Variants in LINGO2 observed in about 807,000 individuals in gnomAD.
LINGO2 encodes the protein leucine rich repeat and Ig domain containing 2, also known as leucine-rich repeat and immunoglobulin-like domain-containing nogo receptor-interacting protein 2.
In LINGO2, 14 loss-of-function variants were observed where a neutral mutation model predicts 30.6. The observed-to-expected ratio is 0.46, with a 90% confidence interval of 0.30 to 0.72. LINGO2 has a LOEUF of 0.72. Ranked by LOEUF, LINGO2 falls within the 30% of genes least tolerant of loss-of-function variation. The pLI, the probability that LINGO2 is intolerant of heterozygous loss-of-function variation, is 0.07. For missense variants in LINGO2, 729 were observed against 751.7 expected, an observed-to-expected ratio of 0.97 and a Z score of 0.35; for synonymous variants, 317 against 288.5, an observed-to-expected ratio of 1.10 and a Z score of -1.00.
intron 5 of LINGO2, among the ~76,000 whole-genome samples, chr9:27,956,874 C>T (rs1238482841): frequency 1.3e-5 from 2 of 152,040 alleles, no homozygotes; most frequent in East Asian, 1.9e-4. Context: ...GGGAGGATTG[C>T]TTGAAGCCAT....
At chr9:28,434,317 A>G (rs1164461901) in intron 2 of LINGO2, among the ~76,000 whole-genome samples, 1 of 140,506 alleles carries the variant, frequency 7.1e-6, no homozygotes. Context: ...TACCCTAAAA[A>G]TTACTAAAAT....
In LINGO2 at chr9:28,348,387, G is replaced by T. The variant is rs768087504; in HGVS notation, c.-246+24449C>A. 2.6e-4 allele frequency among the ~76,000 whole-genome samples: 39 copies of T among 152,016 alleles called. 1 individual carries two copies. Among genetic ancestry groups the T allele is most frequent in the East Asian group, 3.9e-4 (2 of 5,156 alleles). ...TTTCTGAGTCAAAGAAAGGGGTGAC[G>T]GACTGCACCTGGAAAATCGGGTCAC... On this transcript the variant is annotated intron_variant, in intron 3 of 5. Transcript: ENST00000379992.
chr9:27,945,257 A>G (rs921168536), downstream of LINGO2, among the ~76,000 whole-genome samples: 1 of 152,148 alleles, frequency 6.6e-6, no homozygotes, highest in African/African-American at 2.4e-5. Flanking sequence ...ATATAAAAAT[A>G]CATGTGTTTG....
chr9:28,118,871 A>C (rs889937369), intron 4 of LINGO2, among the ~76,000 whole-genome samples: 1 of 152,292 alleles, frequency 6.6e-6, no homozygotes, highest in South Asian at 2.1e-4. Context: ...ATAATGCAAC[A>C]AAGAAGTCTG....
At chr9:28,349,778 C>T (rs1819771566) in intron 3 of LINGO2, among the ~76,000 whole-genome samples, 1 of 151,036 alleles carries the variant, frequency 6.6e-6, no homozygotes, top group African/African-American at 2.4e-5. Context: ...AAAGGGAAGC[C>T]CATCAGACTA....
At chr9:28,495,141 C>T (rs1181258592) in intron 1 of LINGO2, among the ~76,000 whole-genome samples, 1 of 151,936 alleles carries the variant, frequency 6.6e-6, no homozygotes, top group African/African-American at 2.4e-5. Context: ...GAGTAGATTG[C>T]AAAATTTTTT....
In LINGO2 at chr9:28,068,623, C is replaced by T. The variant is rs560393346; in HGVS notation, c.-86-56218G>A. 2.0e-5 allele frequency among the ~76,000 whole-genome samples: 3 copies of T among 152,192 alleles called. No individual in the cohort carries two copies. In the East Asian group the frequency reaches 5.8e-4, roughly 29 times the overall value. On this transcript the variant is annotated intron_variant, in intron 4 of 5. Coordinates refer to ENST00000379992, the Ensembl canonical transcript of LINGO2. ...TAACTTTTACTCATTTAGCAGTGAA[C>T]AAAGTAGTTTTTCTTTTTCAAATAT...
chr9:28,074,316 T>C (rs1364069951), intron 4 of LINGO2, among the ~76,000 whole-genome samples: 1 of 152,212 alleles, frequency 6.6e-6, no homozygotes, highest in Non-Finnish European at 1.5e-5. Context: ...TCTGTAATGA[T>C]AGTGTAAATC....
chr9:28,631,726 T>C (rs1488877128), intron 1 of LINGO2, among the ~76,000 whole-genome samples: 1 of 152,058 alleles, frequency 6.6e-6, no homozygotes, highest in African/African-American at 2.4e-5. Flanking sequence ...AGTGCCGCCT[T>C]ATACCTATGA....
At chr9:29,059,584 A>G in the LINGO2 span, among the ~76,000 whole-genome samples, 1 of 151,834 alleles carries the variant, frequency 6.6e-6, no homozygotes, top group African/African-American at 2.4e-5. Context: ...CAAATATATC[A>G]TCAATTGATT....
the LINGO2 span, among the ~76,000 whole-genome samples, chr9:29,005,740 C>A: frequency 6.6e-6 from 1 of 151,854 alleles, no homozygotes; most frequent in Non-Finnish European, 1.5e-5. Context: ...GGTTTTGCAT[C>A]CCATGAATAC....
intron 4 of LINGO2, among the ~76,000 whole-genome samples, chr9:28,231,186 A>C (rs1256609682): frequency 6.6e-6 from 1 of 151,966 alleles, no homozygotes; most frequent in Non-Finnish European, 1.5e-5. Flanking sequence ...TACCTTTATG[A>C]ACAAAGAAAA....
intron 5 of LINGO2, among the ~76,000 whole-genome samples, chr9:27,965,325 C>CT (rs1275501460): frequency 1.3e-5 from 2 of 151,016 alleles, no homozygotes; most frequent in East Asian, 3.9e-4. Flanking sequence ...CCTTATACTT[C>CT]TCTCATGCTT....
At chr9:27,943,037 CA>C in the LINGO2 span, 2 of 152,110 alleles carry the variant, frequency 1.3e-5, no homozygotes, top group African/African-American at 4.8e-5. Context: ...GTATATACAT[CA>C]TTTTGCTGCT....
At chr9:28,899,847 C>T in the LINGO2 span, among the ~76,000 whole-genome samples, 3 of 152,306 alleles carry the variant, frequency 2.0e-5, no homozygotes, top group East Asian at 3.9e-4. Flanking sequence ...CCAAGGCCAC[C>T]CCTGTGGCTC....
intron 4 of LINGO2, among the ~76,000 whole-genome samples, chr9:28,240,812 A>C (rs1194734393): frequency 6.6e-6 from 1 of 152,198 alleles, no homozygotes; most frequent in Admixed American, 6.5e-5. Context: ...CAAGTTTAAA[A>C]AGCTGAAGTT....
chr9:29,025,783 C>A, the LINGO2 span, among the ~76,000 whole-genome samples: 1 of 152,086 alleles, frequency 6.6e-6, no homozygotes, highest in Admixed American at 6.6e-5. Flanking sequence ...ATTTGGTATC[C>A]TTTGATCAAC....
the LINGO2 span, among the ~76,000 whole-genome samples, chr9:29,154,138 A>G: frequency 6.6e-6 from 1 of 152,110 alleles, no homozygotes; most frequent in Non-Finnish European, 1.5e-5. Flanking sequence ...ACCTTTAAGA[A>G]ACTGCTCTTA....
intron 4 of LINGO2, among the ~76,000 whole-genome samples, chr9:28,249,551 AT>A (rs1587323484): frequency 6.6e-6 from 1 of 152,080 alleles, no homozygotes; most frequent in African/African-American, 2.4e-5. Context: ...GGCCTTAAGA[AT>A]TTTTTCTGGA....
Sources: allele counts gnomAD v4.1 joint callset (sites outside exome capture counted in the v4.1 genomes callset), GRCh38; gene constraint gnomAD v4.1.1; transcripts MANE v1.5; gene names NCBI Gene and HGNC (gene_info 2026-07-23, HGNC 2026-07-21).